The following BICC1 variants were observed in gnomAD, a reference collection of about 807,000 sequenced individuals.
BICC1 encodes BicC family RNA binding protein 1.
BICC1 carries 43 observed loss-of-function variants against 111.0 expected under a neutral mutation model. The observed-to-expected ratio is 0.39, with a 90% CI of 0.30 to 0.50. The LOEUF (loss-of-function observed/expected upper bound fraction) is 0.50. Ranked by LOEUF, BICC1 falls within the 20% of genes least tolerant of loss-of-function variation. The pLI is 0.88. For synonymous variants in BICC1, 467 were observed against 434.4 expected, an observed-to-expected ratio of 1.07 and a Z score of -0.93; for missense variants, 1,091 against 1,203.2, an observed-to-expected ratio of 0.91 and a Z score of 1.38.
At chr10:58,777,681 G>A (rs1332826419) in intron 3 of BICC1, among the ~76,000 whole-genome samples, 1 of 151,908 alleles carries the variant, frequency 6.6e-6, no homozygotes, top group Non-Finnish European at 1.5e-5. Flanking sequence ...CGTCACTCCT[G>A]CCATTATCAT....
chr10:58,553,026 T>TTA (rs1564484794), intron 1 of BICC1, among the ~76,000 whole-genome samples: 1 of 152,178 alleles, frequency 6.6e-6, no homozygotes, highest in African/African-American at 2.4e-5. Context: ...CCTACTGAAT[T>TTA]GTAGTTTTGT....
chr10:58,709,963 C>G (rs1005569930), intron 3 of BICC1, among the ~76,000 whole-genome samples: 1 of 152,146 alleles, frequency 6.6e-6, no homozygotes, highest in Non-Finnish European at 1.5e-5. Context: ...TGGTAGACCT[C>G]CAGACTATAG....
chr10:58,674,968 T>A (rs1030850858), intron 2 of BICC1, among the ~76,000 whole-genome samples: 1 of 152,102 alleles, frequency 6.6e-6, no homozygotes, highest in Admixed American at 6.6e-5. Context: ...GAGGGAAATA[T>A]CAAATTAACG....
chr10:58,626,078 A>G (rs1049551445), intron 2 of BICC1, among the ~76,000 whole-genome samples: 1 of 152,224 alleles, frequency 6.6e-6, no homozygotes. Flanking sequence ...ATTTATTTCA[A>G]TAGGTAATAC....
At chr10:58,531,019 A>G (rs190967773) in intron 1 of BICC1, among the ~76,000 whole-genome samples, 7 of 152,022 alleles carry the variant, frequency 4.6e-5, no homozygotes, top group Admixed American at 2.0e-4. Context: ...GTTTCATTTC[A>G]TCTGAGTCGG....
intron 17 of BICC1, among the ~76,000 whole-genome samples, chr10:58,810,660 A>G (rs1465755113): frequency 1.3e-5 from 2 of 152,120 alleles, no homozygotes. Flanking sequence ...TAGGGCATCC[A>G]GTGAGTATTG....
intron 3 of BICC1, among the ~76,000 whole-genome samples, chr10:58,766,506 C>G (rs75774526): frequency 1.5e-3 from 223 of 152,164 alleles, no homozygotes; most frequent in Non-Finnish European, 1.8e-3. Context: ...ACTGAAGGAT[C>G]TAGTTCTCTT....
chr10:58,812,928 G>C (rs1843957801), intron 17 of BICC1, among the ~76,000 whole-genome samples: 1 of 152,178 alleles, frequency 6.6e-6, no homozygotes, highest in Non-Finnish European at 1.5e-5. Flanking sequence ...AGGGTAATCT[G>C]ACATTTTAGA....
At chr10:58,704,366 T>A (rs1840330053) in intron 3 of BICC1, among the ~76,000 whole-genome samples, 1 of 152,168 alleles carries the variant, frequency 6.6e-6, no homozygotes, top group Non-Finnish European at 1.5e-5. Flanking sequence ...TCAGAGGAAT[T>A]TACTGTTGAG....
intron 1 of BICC1, among the ~76,000 whole-genome samples, chr10:58,546,727 T>TA (rs968466301): frequency 6.6e-6 from 1 of 152,120 alleles, no homozygotes; most frequent in Non-Finnish European, 1.5e-5. Context: ...AAACTTTTTT[T>TA]AAAAAAATAA....
intron 3 of BICC1, among the ~76,000 whole-genome samples, chr10:58,717,126 G>A (rs1349840532): frequency 6.6e-6 from 1 of 152,102 alleles, no homozygotes; most frequent in Non-Finnish European, 1.5e-5. Flanking sequence ...ATAGACACTG[G>A]TACTTTTCGA....
chr10:58,553,179 G>A lies in BICC1; in HGVS notation c.190+39846G>A, dbSNP rs149417320. Among the ~76,000 whole-genome samples, 281 of 152,228 alleles carry A rather than the reference G, an allele frequency of 1.8e-3. 2 individuals are homozygous for A. Among genetic ancestry groups the A allele is most frequent in the African/African-American group, 6.5e-3 (272 of 41,546 alleles). ...CAAAGATGTCCATATTCAAATCCCT[G>A]GAACTTGTGACTGTGTTACCATGGC... On this transcript the variant is annotated intron_variant, in intron 1 of 20. Coordinates refer to ENST00000373886, the MANE Select transcript of BICC1 (RefSeq NM_001080512.3).
At chr10:58,623,133 G>GT (rs1251002308) in intron 2 of BICC1, among the ~76,000 whole-genome samples, 2 of 152,046 alleles carry the variant, frequency 1.3e-5, no homozygotes, top group Admixed American at 6.6e-5. Flanking sequence ...GTAACTTTAT[G>GT]TTTTTTTGTA....
At chr10:58,587,771 A>G (rs943137464) in intron 1 of BICC1, among the ~76,000 whole-genome samples, 1 of 152,224 alleles carries the variant, frequency 6.6e-6, no homozygotes, top group Non-Finnish European at 1.5e-5. Context: ...TTGGCTGGCT[A>G]AAAAGCTCCA....
chr10:58,642,952 C>T (rs1212184661), intron 2 of BICC1, among the ~76,000 whole-genome samples: 3 of 152,154 alleles, frequency 2.0e-5, no homozygotes, highest in African/African-American at 7.2e-5. Flanking sequence ...AATCCTCCTG[C>T]CTCGGCCTCC....
chr10:58,797,527 A>G (rs914716362), intron 10 of BICC1, among the ~76,000 whole-genome samples: 1 of 152,182 alleles, frequency 6.6e-6, no homozygotes, highest in Non-Finnish European at 1.5e-5. Context: ...TGGGACCTGA[A>G]CAGAGTCATA....
intron 2 of BICC1, among the ~76,000 whole-genome samples, chr10:58,661,524 C>A (rs1838845464): frequency 6.6e-6 from 1 of 152,136 alleles, no homozygotes; most frequent in East Asian, 1.9e-4. Context: ...TGATCTAAGA[C>A]CTTTCATCTG....
intron 3 of BICC1, among the ~76,000 whole-genome samples, chr10:58,706,435 C>T (rs930427612): frequency 6.6e-6 from 1 of 152,166 alleles, no homozygotes; most frequent in African/African-American, 2.4e-5. Flanking sequence ...TTTTCTTAAA[C>T]AAGGTAAACA....
At chr10:58,598,627 C>T (rs189287243) in intron 1 of BICC1, among the ~76,000 whole-genome samples, 17 of 152,172 alleles carry the variant, frequency 1.1e-4, no homozygotes, top group Admixed American at 3.3e-4. Flanking sequence ...ACACCAAAAG[C>T]GATGGCAACA....
Sources: allele counts gnomAD v4.1 joint callset (sites outside exome capture counted in the v4.1 genomes callset), GRCh38; gene constraint gnomAD v4.1.1; transcripts MANE v1.5; gene names NCBI Gene and HGNC (gene_info 2026-07-23, HGNC 2026-07-21).